CCDC171: variants seen among roughly 807,000 people sequenced by gnomAD.
The protein encoded by CCDC171 is coiled-coil domain-containing protein 171.
CCDC171 carries 177 observed loss-of-function variants against 168.2 expected under a neutral mutation model. The ratio of observed to expected loss-of-function variants is 1.05; its 90% CI spans 0.93 to 1.19. CCDC171 has a LOEUF of 1.19. Among genes scored for constraint, CCDC171 ranks in the 50% most tolerant of loss-of-function variants. The probability of loss-of-function intolerance (pLI) is 0.00; values close to 1 mark genes in which losing one functional copy is unlikely to be tolerated. For synonymous variants in CCDC171, 687 were observed against 540.8 expected, an observed-to-expected ratio of 1.27 and a Z score of -3.75; for missense variants, 1,991 against 1,539.0, an observed-to-expected ratio of 1.29 and a Z score of -4.91.
downstream of CCDC171, among the ~76,000 whole-genome samples, chr9:16,064,633 T>A (rs1833972247): frequency 6.6e-6 from 1 of 152,178 alleles, no homozygotes; most frequent in South Asian, 2.1e-4. Context: ...GTCTTCACTG[T>A]CATGAAGAGG....
At chr9:15,899,098 T>C (rs1200637555) in intron 24 of CCDC171, among the ~76,000 whole-genome samples, 1 of 152,222 alleles carries the variant, frequency 6.6e-6, no homozygotes, top group Non-Finnish European at 1.5e-5. Flanking sequence ...GCTTTTTCAC[T>C]CAGTGTAATG....
At chr9:15,941,313 G>A (rs1468788478) in intron 25 of CCDC171, among the ~76,000 whole-genome samples, 2 of 151,998 alleles carry the variant, frequency 1.3e-5, no homozygotes, top group African/African-American at 2.4e-5. Context: ...CGCCGGTAGC[G>A]ATTCAATACT....
rs1388294072 is a variant in CCDC171, at chr9:15,819,260, C to T, written c.3268-27442C>T. On this transcript the variant is annotated intron_variant, in intron 21 of 25. Coordinates refer to ENST00000380701, the MANE Select transcript of CCDC171 (RefSeq NM_173550.4). ...AAACATGCCAAATTGTAAAGACCATCGAGGCTAGGAAGAAACTGCATCAAC... is the reference window on the plus strand; with the variant it reads ...AAACATGCCAAATTGTAAAGACCATTGAGGCTAGGAAGAAACTGCATCAAC... Among the ~76,000 whole-genome samples the T allele has an allele frequency of 6.8e-5, 8 of 117,544 alleles. 1 individual carries two copies. Among genetic ancestry groups the T allele is most frequent in the African/African-American group, 1.3e-4 (4 of 31,252 alleles). 77.1% of individuals were successfully genotyped at this position (117,544 alleles called of 152,430 possible).
At chr9:16,014,509 C>T (rs1163677465) in intron 3 of CCDC171, among the ~76,000 whole-genome samples, 1 of 152,144 alleles carries the variant, frequency 6.6e-6, no homozygotes, top group African/African-American at 2.4e-5. Flanking sequence ...AATGGTGAAT[C>T]CTTTCCAGGA....
At chr9:15,667,787 A>G (rs541515502) in intron 9 of CCDC171, among the ~76,000 whole-genome samples, 2 of 152,312 alleles carry the variant, frequency 1.3e-5, no homozygotes, top group South Asian at 4.1e-4. Context: ...AAAACTCTTA[A>G]ACTGTTTGTT....
intron 7 of CCDC171, among the ~76,000 whole-genome samples, chr9:15,646,321 A>G (rs1414938897): frequency 1.3e-5 from 2 of 152,178 alleles, no homozygotes; most frequent in Non-Finnish European, 2.9e-5. Context: ...CATCCATGCT[A>G]GGAAGGAAGA....
intron 1 of CCDC171, among the ~76,000 whole-genome samples, chr9:15,557,640 G>A (rs867352665): frequency 1.3e-5 from 2 of 152,156 alleles, no homozygotes; most frequent in African/African-American, 4.8e-5. Flanking sequence ...ATTTTGTGCT[G>A]AGACGATGGG....
intron 6 of CCDC171, among the ~76,000 whole-genome samples, chr9:15,603,657 G>A (rs528082863): frequency 6.6e-6 from 1 of 151,920 alleles, no homozygotes; most frequent in Admixed American, 6.5e-5. Context: ...TATCATCGAT[G>A]GGCATTTGGG....
the CCDC171 span, among the ~76,000 whole-genome samples, chr9:16,091,388 A>T: frequency 6.6e-6 from 1 of 152,240 alleles, no homozygotes; most frequent in African/African-American, 2.4e-5. Context: ...GGAGCATGCC[A>T]GATGTTGTGG....
intron 6 of CCDC171, among the ~76,000 whole-genome samples, chr9:15,597,043 G>A (rs2042424827): frequency 1.3e-5 from 2 of 152,062 alleles, no homozygotes; most frequent in South Asian, 2.1e-4. Context: ...AGGAGATTTT[G>A]GGCTGAGACG....
intron 3 of CCDC171, among the ~76,000 whole-genome samples, chr9:16,013,398 C>A (rs1348396778): frequency 6.6e-6 from 1 of 152,082 alleles, no homozygotes; most frequent in Non-Finnish European, 1.5e-5. Flanking sequence ...TATCATTGTG[C>A]TGCTCAAAAT....
At chr9:15,735,409 C>T (rs1039766036) in intron 16 of CCDC171, among the ~76,000 whole-genome samples, 1 of 152,136 alleles carries the variant, frequency 6.6e-6, no homozygotes, top group African/African-American at 2.4e-5. Flanking sequence ...GTTATTGGAA[C>T]AAGGACTTCC....
At chr9:15,751,813 A>G (rs187079905) in intron 18 of CCDC171, among the ~76,000 whole-genome samples, 2 of 152,354 alleles carry the variant, frequency 1.3e-5, no homozygotes, top group Non-Finnish European at 2.9e-5. Context: ...ACGCTAGAAG[A>G]AAACCTGGGC....
chr9:15,855,810 T>G (rs1030881109), intron 23 of CCDC171, among the ~76,000 whole-genome samples: 2 of 151,922 alleles, frequency 1.3e-5, no homozygotes, highest in African/African-American at 4.8e-5. Flanking sequence ...GTTTAAAAAA[T>G]TTTGCTCTTA....
At chr9:15,727,393 CT>C (rs944550029) in intron 14 of CCDC171, among the ~76,000 whole-genome samples, 61 of 152,258 alleles carry the variant, frequency 4.0e-4, no homozygotes, top group Middle Eastern at 3.4e-3. Context: ...ATTGGTATAA[CT>C]TTTTTTCATC....
intron 11 of CCDC171, among the ~76,000 whole-genome samples, chr9:15,706,541 G>A (rs1474671944): frequency 6.6e-6 from 1 of 152,070 alleles, no homozygotes; most frequent in Non-Finnish European, 1.5e-5. Context: ...TCCCACCCCA[G>A]CCTCCCAAAG....
At position 15,657,183 on chromosome 9, in the gene CCDC171, G is replaced by C. The variant is rs146185244; in HGVS notation, c.879G>C (p.Ala293=). Reference sequence around the variant, plus strand: ...AAAACATTGAAGCAGAAAGAGCAGCGCATTTGGAATCAAAATTTAATTCTG... The same window carrying C: ...AAAACATTGAAGCAGAAAGAGCAGCCCATTTGGAATCAAAATTTAATTCTG... ...LEENIEAERA[A]HLESKFNSEI... The change falls in exon 8 of 26, where the codon GCG becomes GCC. Residue 293 remains alanine, a synonymous_variant. Coordinates refer to ENST00000380701, the MANE Select transcript of CCDC171 (RefSeq NM_173550.4). 1.9e-6 allele frequency: 3 copies of C among 1,611,042 alleles called. No homozygotes were observed. The African/African-American group carries it at 4.0e-5, about 22-fold the overall frequency.
intron 7 of CCDC171, among the ~76,000 whole-genome samples, chr9:15,648,462 C>T (rs2047225004): frequency 6.6e-6 from 1 of 152,186 alleles, no homozygotes; most frequent in Non-Finnish European, 1.5e-5. Flanking sequence ...CAAATTGTCC[C>T]TGTTTGTAGA....
At chr9:15,659,255 GT>G (rs2048147672) in intron 8 of CCDC171, among the ~76,000 whole-genome samples, 1 of 152,204 alleles carries the variant, frequency 6.6e-6, no homozygotes, top group East Asian at 1.9e-4. Context: ...GGATCAGCCA[GT>G]TTCCCAGGTG....
Sources: gnomAD v4.1 joint callset for allele counts (sites outside exome capture counted in the v4.1 genomes callset) on GRCh38, gnomAD v4.1.1 for gene constraint, MANE v1.5 for transcripts, NCBI Gene and HGNC (gene_info 2026-07-23, HGNC 2026-07-21) for gene names.